The following HCN1 variants were observed in gnomAD, a reference collection of about 807,000 sequenced individuals.
The protein encoded by HCN1 is potassium/sodium hyperpolarization-activated cyclic nucleotide-gated channel 1.
In HCN1, 13 loss-of-function variants were observed where a neutral mutation model predicts 78.9. That is an observed-to-expected ratio of 0.16 (90% CI 0.11 to 0.26). The LOEUF is 0.26. Among genes scored for constraint, HCN1 ranks in the 10% least tolerant of loss-of-function variants. HCN1 has a pLI of 1.00. For synonymous variants in HCN1, 552 were observed against 455.5 expected (o/e 1.21, Z -2.70); for missense variants, 810 against 1,154.3 (o/e 0.70, Z 4.32).
At chr5:45,280,122 C>G (rs1286334277) in intron 6 of HCN1, among the ~76,000 whole-genome samples, 1 of 151,958 alleles carries the variant, frequency 6.6e-6, no homozygotes, top group Non-Finnish European at 1.5e-5. Context: ...CAACTAAAAA[C>G]AAAAAAGAAT....
intron 4 of HCN1, 106 bp downstream of exon 4, chr5:45,396,386 C>G: frequency 2.6e-6 from 2 of 759,068 alleles, no homozygotes; most frequent in Non-Finnish European, 4.4e-6. Flanking sequence ...CATTTTATCT[C>G]TTTTTTTTTT....
At chr5:45,536,272 C>A (rs906744842) in intron 2 of HCN1, among the ~76,000 whole-genome samples, 1 of 152,108 alleles carries the variant, frequency 6.6e-6, no homozygotes, top group African/African-American at 2.4e-5. Flanking sequence ...TCCTTTAAAA[C>A]ATTTTTTCTG....
Position 45,696,188 on chromosome 5 carries a change from G to C in HCN1, c.-95C>G, listed in dbSNP as rs1740009976. Reference sequence around the variant, plus strand: ...GCCGAGAGGGTAGGGGCCCGAGCCGGCTGCCGGCGAGCCCAGCTGCCCGTC... The same window carrying C: ...GCCGAGAGGGTAGGGGCCCGAGCCGCCTGCCGGCGAGCCCAGCTGCCCGTC... On this transcript the variant is annotated 5_prime_UTR_variant, in exon 1 of 8. Coordinates refer to ENST00000303230, the MANE Select transcript of HCN1 (RefSeq NM_021072.4). The C allele has an allele frequency of 1.4e-6, 1 of 729,084 alleles. No individual in the cohort carries two copies. Among genetic ancestry groups the C allele is most frequent in the African/African-American group, 1.9e-5 (1 of 51,958 alleles). The allele number at this position is 729,084 out of a possible 1,614,324, so 45.2% of individuals were successfully genotyped here.
At chr5:45,554,766 T>C (rs1049090064) in intron 2 of HCN1, among the ~76,000 whole-genome samples, 10 of 151,804 alleles carry the variant, frequency 6.6e-5, no homozygotes, top group African/African-American at 2.4e-4. Context: ...TAAGGGCAAT[T>C]TGACCTTAAA....
intron 2 of HCN1, chr5:45,480,034 G>A (rs1392573827): frequency 1.3e-5 from 2 of 152,570 alleles, no homozygotes; most frequent in East Asian, 3.9e-4. Context: ...AGCCTATGAG[G>A]GGCTCATACT....
At chr5:45,552,574 T>C (rs1230279420) in intron 2 of HCN1, among the ~76,000 whole-genome samples, 1 of 151,980 alleles carries the variant, frequency 6.6e-6, no homozygotes. Flanking sequence ...GGTAAAGCTA[T>C]CATCATTGCA....
intron 2 of HCN1, among the ~76,000 whole-genome samples, chr5:45,535,713 T>G (rs1434975259): frequency 6.6e-6 from 1 of 151,920 alleles, no homozygotes; most frequent in Admixed American, 6.6e-5. Context: ...CAAATAAATA[T>G]TTTTAATACC....
chr5:45,276,507 G>C (rs747521816), intron 6 of HCN1, among the ~76,000 whole-genome samples: 1 of 151,986 alleles, frequency 6.6e-6, no homozygotes, highest in Non-Finnish European at 1.5e-5. Flanking sequence ...AATTTAAAAA[G>C]AGTTCCTCAT....
chr5:45,378,358 C>T (rs895088564), intron 4 of HCN1, among the ~76,000 whole-genome samples: 14 of 152,064 alleles, frequency 9.2e-5, no homozygotes, highest in Admixed American at 7.9e-4. Context: ...TGCCAATTTT[C>T]TTGATAACTC....
intron 5 of HCN1, among the ~76,000 whole-genome samples, chr5:45,315,930 C>T (rs1745979023): frequency 2.0e-5 from 3 of 152,174 alleles, no homozygotes; most frequent in Middle Eastern, 6.8e-3. Flanking sequence ...TAATAGCTTA[C>T]CAACCAAAAA....
chr5:45,495,465 T>C (rs1295041650), intron 2 of HCN1, among the ~76,000 whole-genome samples: 1 of 150,806 alleles, frequency 6.6e-6, no homozygotes, highest in East Asian at 1.9e-4. Context: ...CCTGAGACTT[T>C]GCTGAAGTTG....
chr5:45,580,368 G>A (rs1259099186), intron 2 of HCN1, among the ~76,000 whole-genome samples: 3 of 152,040 alleles, frequency 2.0e-5, no homozygotes, highest in African/African-American at 7.2e-5. Context: ...TCTCCTGGGG[G>A]TCACAAGCCA....
At chr5:45,312,849 A>G (rs1745884709) in intron 5 of HCN1, among the ~76,000 whole-genome samples, 1 of 152,202 alleles carries the variant, frequency 6.6e-6, no homozygotes, top group South Asian at 2.1e-4. Flanking sequence ...AGGCTTGAGT[A>G]GGTAAACAAA....
intron 6 of HCN1, among the ~76,000 whole-genome samples, chr5:45,267,890 A>G (rs978122468): frequency 6.6e-6 from 1 of 152,222 alleles, no homozygotes; most frequent in African/African-American, 2.4e-5. Flanking sequence ...AAGAAAAAAA[A>G]CAAAAACAAA....
intron 2 of HCN1, among the ~76,000 whole-genome samples, chr5:45,611,588 T>A (rs1654593412): frequency 6.6e-6 from 1 of 152,042 alleles, no homozygotes; most frequent in Admixed American, 6.6e-5. Flanking sequence ...ATTACATTCT[T>A]AATAACATAA....
chr5:45,491,882 A>T (rs924604447), intron 2 of HCN1, among the ~76,000 whole-genome samples: 4 of 152,158 alleles, frequency 2.6e-5, no homozygotes, highest in African/African-American at 9.7e-5. Flanking sequence ...CATGAATTCA[A>T]GATCTGACAT....
intron 2 of HCN1, among the ~76,000 whole-genome samples, chr5:45,468,937 C>G (rs1396864158): frequency 2.6e-5 from 4 of 151,968 alleles, no homozygotes; most frequent in Non-Finnish European, 4.4e-5. Flanking sequence ...TAATAAATAT[C>G]TAACTGAGCT....
chr5:45,664,726 A>T (rs1272882349), intron 1 of HCN1, among the ~76,000 whole-genome samples: 4 of 152,028 alleles, frequency 2.6e-5, no homozygotes, highest in African/African-American at 9.7e-5. Flanking sequence ...CATCAGAGAA[A>T]TGCAAATCAA....
chr5:45,650,719 A>G (rs1184043873), intron 1 of HCN1, among the ~76,000 whole-genome samples: 1 of 152,014 alleles, frequency 6.6e-6, no homozygotes, highest in African/African-American at 2.4e-5. Context: ...TAGAAGAGAT[A>G]AAGTGGCGTT....
Sources: gnomAD v4.1 joint callset for allele counts (sites outside exome capture counted in the v4.1 genomes callset) on GRCh38, gnomAD v4.1.1 for gene constraint, MANE v1.5 for transcripts, NCBI Gene and HGNC (gene_info 2026-07-23, HGNC 2026-07-21) for gene names.